MTCL1: variants seen among roughly 807,000 people sequenced by gnomAD.
The protein encoded by MTCL1 is microtubule crosslinking factor 1, also known as microtubule cross-linking factor 1.
In MTCL1, 79 loss-of-function variants were observed where a neutral mutation model predicts 141.4. That is an observed-to-expected ratio of 0.56 (90% CI 0.47 to 0.67). MTCL1 has a LOEUF of 0.67. Ranked by LOEUF, MTCL1 falls within the 30% of genes least tolerant of loss-of-function variation. The pLI, the probability that MTCL1 is intolerant of heterozygous loss-of-function variation, is 0.00. For synonymous variants in MTCL1, 914 were observed against 875.8 expected (o/e 1.04, Z -0.77); for missense variants, 2,177 against 2,113.9 (o/e 1.03, Z -0.59).
At chr18:8,745,609 G>A (rs562439194) in intron 4 of MTCL1, among the ~76,000 whole-genome samples, 7 of 152,248 alleles carry the variant, frequency 4.6e-5, no homozygotes, top group African/African-American at 9.6e-5. Context: ...GTGAACATGC[G>A]TCACTGTTCG....
intron 10 of MTCL1, chr18:8,801,792 C>T (rs1296112397): frequency 6.6e-6 from 1 of 152,206 alleles, no homozygotes; most frequent in Non-Finnish European, 1.5e-5. Context: ...ATATGTGCCT[C>T]ATTTATTCTT....
chr18:8,753,863 A>G (rs2096384040), intron 4 of MTCL1, among the ~76,000 whole-genome samples: 1 of 152,170 alleles, frequency 6.6e-6, no homozygotes, highest in Non-Finnish European at 1.5e-5. Flanking sequence ...AGTGACATAA[A>G]TATATAAAAA....
At chr18:8,794,074 C>T (rs752285524) in intron 8 of MTCL1, among the ~76,000 whole-genome samples, 2 of 152,198 alleles carry the variant, frequency 1.3e-5, no homozygotes, top group Non-Finnish European at 2.9e-5. Flanking sequence ...ACATGTATGA[C>T]TCTTTTTAAG....
upstream of MTCL1, among the ~76,000 whole-genome samples, chr18:8,716,551 G>A (rs545143934): frequency 6.7e-6 from 1 of 148,528 alleles, no homozygotes; most frequent in East Asian, 2.0e-4. Context: ...CACATCTTCA[G>A]GAGATTTCTT....
chr18:8,756,543 G>GTGTATA lies in MTCL1; in HGVS notation c.358-21289_358-21288insGTATAT, dbSNP rs1567984266. ...TGTATATATGTGTGTGTATATATGT[G>GTGTATA]TATATATATGTATATATATCTCAAA... On this transcript the variant is annotated intron_variant, in intron 4 of 16. Coordinates refer to ENST00000359865, the Ensembl canonical transcript of MTCL1. Among the ~76,000 whole-genome samples the GTGTATA allele has an allele frequency of 5.0e-4, 73 of 144,774 alleles. 1 individual carries two copies. The highest frequency in any genetic ancestry group is 2.0e-3 in the African/African-American group (71 of 34,854). 95.0% of individuals were successfully genotyped at this position (144,774 alleles called of 152,430 possible). A position where few individuals can be genotyped will look rare whatever the true frequency, so the allele number is the denominator to read the frequency against.
exon 15 of MTCL1, chr18:8,825,544 A>G: frequency 6.2e-7 from 1 of 1,612,550 alleles, no homozygotes; most frequent in South Asian, 1.1e-5. Context: ...AGCCCCCACA[A>G]GTGTCTCACT....
At chr18:8,756,395 ATG>A (rs2096399094) in intron 4 of MTCL1, among the ~76,000 whole-genome samples, 5 of 148,118 alleles carry the variant, frequency 3.4e-5, no homozygotes, top group Non-Finnish European at 6.1e-5. Flanking sequence ...ATGTGTATAT[ATG>A]TATATATGTG....
chr18:8,768,789 C>CTTTTTTTTTTT (rs773958752), intron 4 of MTCL1, among the ~76,000 whole-genome samples: 1 of 117,872 alleles, frequency 8.5e-6, no homozygotes, highest in Non-Finnish European at 1.7e-5. Flanking sequence ...CTTTTCTTCT[C>CTTTTTTTTTTT]TTTTTTTTTT....
chr18:8,818,906 G>A, intron 12 of MTCL1, 57 bp from the exon 12 acceptor site: 2 of 1,525,882 alleles, frequency 1.3e-6, no homozygotes, highest in Non-Finnish European at 1.8e-6. Context: ...GATGTTCTTA[G>A]GGAGACCATC....
chr18:8,828,762 A>G lies in MTCL1; in HGVS notation c.4723-146A>G. Reference sequence around the variant, plus strand: ...GAATGTGCTAGATCTGAGAGCCCGCAAGTCTCTCCTGGTGGCTACCCCTGA... The same window carrying G: ...GAATGTGCTAGATCTGAGAGCCCGCGAGTCTCTCCTGGTGGCTACCCCTGA... On this transcript the variant is annotated intron_variant, in intron 15 of 16. Coordinates refer to ENST00000359865, the Ensembl canonical transcript of MTCL1. This position sits in a 1 kb window ranked among gnomAD's most constrained non-coding sequence, Gnocchi z 5.2. 1.5e-6 allele frequency: 2 copies of G among 1,349,904 alleles called. No individual in the cohort carries two copies. The highest frequency in any genetic ancestry group is 2.5e-5 in the East Asian group (1 of 39,658). 83.6% of individuals were successfully genotyped at this position (1,349,904 alleles called of 1,614,324 possible). A position where few individuals can be genotyped will look rare whatever the true frequency, so the allele number is the denominator to read the frequency against.
At chr18:8,819,176 C>G in exon 13 of MTCL1, 1 of 1,614,240 alleles carries the variant, frequency 6.2e-7, no homozygotes, top group Non-Finnish European at 8.5e-7. Context: ...GAATCTCTAC[C>G]TGGATGCCTT....
exon 6 of MTCL1, chr18:8,784,403 G>A (rs773835056): frequency 4.6e-6 from 7 of 1,527,236 alleles, no homozygotes; most frequent in Non-Finnish European, 6.2e-6. Flanking sequence ...CTTCGGGAGC[G>A]GGAAGCCATC....
At chr18:8,738,362 C>T (rs1303885953) in intron 4 of MTCL1, among the ~76,000 whole-genome samples, 1 of 152,162 alleles carries the variant, frequency 6.6e-6, no homozygotes, top group Non-Finnish European at 1.5e-5. Flanking sequence ...GTGGGAAACT[C>T]ATGAGTAAGG....
At chr18:8,799,310 T>C (rs2076036761) in intron 10 of MTCL1, among the ~76,000 whole-genome samples, 1 of 152,238 alleles carries the variant, frequency 6.6e-6, no homozygotes, top group Non-Finnish European at 1.5e-5. Flanking sequence ...ACCTTCTGAG[T>C]GCAGGCTGAG....
intron 5 of MTCL1, 96 bp downstream of exon 4, chr18:8,777,988 C>A: frequency 1.7e-6 from 2 of 1,169,556 alleles, no homozygotes; most frequent in Non-Finnish European, 2.5e-6. Context: ...GCCTTTAAAA[C>A]ATCCAAAGAA....
chr18:8,793,751 C>T (rs1458072550), intron 8 of MTCL1, among the ~76,000 whole-genome samples: 1 of 152,230 alleles, frequency 6.6e-6, no homozygotes, highest in Admixed American at 6.5e-5. Context: ...GCTGCAGCTG[C>T]TCTTCCCCCG....
rs1036711077 is a variant in MTCL1, at chr18:8,743,223, A to G, written c.357+22727A>G. 5.3e-5 allele frequency among the ~76,000 whole-genome samples: 8 copies of G among 152,238 alleles called. No homozygotes were observed. The South Asian group carries it at 1.4e-3, about 28-fold the overall frequency. ...TGGCTAGTAAGGCTGAACAATTTTT[A>G]AATGACATATCCACATGCAAATATA... is the stretch of plus-strand genomic sequence containing the variant. On this transcript the variant is annotated intron_variant, in intron 4 of 16. Transcript: ENST00000359865.
chr18:8,783,895 C>T (rs1427705585), exon 6 of MTCL1: 2 of 1,613,214 alleles, frequency 1.2e-6, no homozygotes, highest in Non-Finnish European at 1.7e-6. Flanking sequence ...GCATTCCTAC[C>T]TCACCCTTCG....
chr18:8,793,479 G>A (rs1345285072), intron 8 of MTCL1, among the ~76,000 whole-genome samples: 1 of 152,192 alleles, frequency 6.6e-6, no homozygotes, highest in Non-Finnish European at 1.5e-5. Flanking sequence ...TGAATTTTCC[G>A]ATAGAAAAAT....
Sources: allele counts gnomAD v4.1 joint callset (sites outside exome capture counted in the v4.1 genomes callset), GRCh38; gene constraint gnomAD v4.1.1; non-coding constraint Gnocchi (gnomAD v3.1); transcripts MANE v1.5; gene names NCBI Gene and HGNC (gene_info 2026-07-23, HGNC 2026-07-21).